TFDP2: variants seen among roughly 807,000 people sequenced by gnomAD.
TFDP2 encodes transcription factor Dp-2 (E2F dimerization partner 2).
TFDP2 carries 17 observed loss-of-function variants against 59.3 expected under a neutral mutation model. The observed-to-expected ratio is 0.29, with a 90% CI of 0.20 to 0.43. TFDP2 has a LOEUF of 0.43. TFDP2 is among the 20% of genes least tolerant of loss of function. The probability of loss-of-function intolerance (pLI) is 1.00; values close to 1 mark genes in which losing one functional copy is unlikely to be tolerated. For missense variants in TFDP2, 391 were observed against 528.8 expected, an observed-to-expected ratio of 0.74 and a Z score of 2.56; for synonymous variants, 180 against 194.7, an observed-to-expected ratio of 0.92 and a Z score of 0.63.
intron 3 of TFDP2, among the ~76,000 whole-genome samples, chr3:142,087,718 T>C (rs1447913207): frequency 6.6e-6 from 1 of 152,090 alleles, no homozygotes; most frequent in African/African-American, 2.4e-5. Context: ...CCCAGGCTGG[T>C]CTTGAACTGC....
chr3:141,990,281 G>A (rs930066696), intron 6 of TFDP2, among the ~76,000 whole-genome samples: 10 of 151,678 alleles, frequency 6.6e-5, no homozygotes, highest in African/African-American at 2.2e-4. Context: ...ACGGAGTCCC[G>A]CTGTGTTGAC....
chr3:142,058,308 C>T (rs879322753), intron 3 of TFDP2, among the ~76,000 whole-genome samples: 1 of 150,962 alleles, frequency 6.6e-6, no homozygotes, highest in Non-Finnish European at 1.5e-5. Flanking sequence ...CTTCTGACAC[C>T]AAATGTTTGG....
chr3:142,007,479 T>C (rs1277600243), intron 3 of TFDP2, among the ~76,000 whole-genome samples: 2 of 152,192 alleles, frequency 1.3e-5, no homozygotes, highest in African/African-American at 4.8e-5. Context: ...CCCCAACCGT[T>C]TTAGCACCAG....
chr3:142,002,317 GTTTTTT>G (rs750047190), intron 4 of TFDP2, among the ~76,000 whole-genome samples: 9 of 106,858 alleles, frequency 8.4e-5, no homozygotes, highest in African/African-American at 2.6e-4. Context: ...TATTTTTAGT[GTTTTTT>G]TTTTTTTTTT....
chr3:142,143,615 G>C (rs992567425), intron 1 of TFDP2, among the ~76,000 whole-genome samples: 4 of 152,168 alleles, frequency 2.6e-5, no homozygotes, highest in Non-Finnish European at 5.9e-5. Context: ...TTTCTCAATA[G>C]AAGACATACA....
intron 3 of TFDP2, among the ~76,000 whole-genome samples, chr3:142,082,870 C>T (rs927209650): frequency 6.6e-6 from 1 of 152,118 alleles, no homozygotes; most frequent in Admixed American, 6.5e-5. Flanking sequence ...GAACGTACCT[C>T]AACATAATAA....
At chr3:142,036,038 A>G (rs1946682099) in intron 3 of TFDP2, among the ~76,000 whole-genome samples, 1 of 152,208 alleles carries the variant, frequency 6.6e-6, no homozygotes, top group African/African-American at 2.4e-5. Context: ...GTAGATTTTA[A>G]TCAAAAAGCT....
At chr3:142,146,528 C>A (rs559633256) in intron 1 of TFDP2, among the ~76,000 whole-genome samples, 33 of 152,244 alleles carry the variant, frequency 2.2e-4, no homozygotes, top group African/African-American at 7.2e-4. Context: ...GAGCTAGGAT[C>A]TAAACACAGG....
chr3:142,037,432 G>A (rs1232187274), intron 3 of TFDP2, among the ~76,000 whole-genome samples: 4 of 152,176 alleles, frequency 2.6e-5, no homozygotes, highest in Non-Finnish European at 5.9e-5. Context: ...TTATAGATAA[G>A]GTGGTCCAAG....
At chr3:142,009,491 C>G (rs1351339325) in intron 3 of TFDP2, among the ~76,000 whole-genome samples, 4 of 152,092 alleles carry the variant, frequency 2.6e-5, no homozygotes, top group Non-Finnish European at 4.4e-5. Flanking sequence ...CAGGGCAGAT[C>G]ACCTGAGGTC....
At chr3:142,027,218 T>G (rs1946158382) in intron 3 of TFDP2, among the ~76,000 whole-genome samples, 1 of 152,170 alleles carries the variant, frequency 6.6e-6, no homozygotes, top group Admixed American at 6.5e-5. Context: ...ACAGGCAATA[T>G]TTAAAGTTTT....
intron 3 of TFDP2, among the ~76,000 whole-genome samples, chr3:142,015,619 T>C (rs1026350309): frequency 6.6e-6 from 1 of 152,304 alleles, no homozygotes; most frequent in Admixed American, 6.5e-5. Context: ...GGCCAACATC[T>C]TGGCTTCAAT....
chr3:141,972,394 A>T (rs1939902536), intron 8 of TFDP2, among the ~76,000 whole-genome samples: 1 of 152,172 alleles, frequency 6.6e-6, no homozygotes, highest in Non-Finnish European at 1.5e-5. Context: ...GTGATCCTTT[A>T]AAAAACATCC....
chr3:141,959,776 G>C lies in TFDP2; in HGVS notation c.949C>G (p.Arg317Gly). 1.2e-6 allele frequency: 2 copies of C among 1,614,096 alleles called. No individual in the cohort carries two copies. Among genetic ancestry groups the C allele is most frequent in the South Asian group, 1.1e-5 (1 of 91,074 alleles). ...EIHDDIEVLK[R>G]MGMSFGLESG... ...TCCAGGCCAAACGACATTCCCATCCGCTTTAGTACTTCTATGTCATCATGG... is the reference window on the plus strand; with the variant it reads ...TCCAGGCCAAACGACATTCCCATCCCCTTTAGTACTTCTATGTCATCATGG... The change falls in exon 11 of 13, where the codon CGG becomes GGG. Residue 317 changes from arginine (R) to glycine (G), a missense_variant. Coordinates refer to ENST00000489671, the MANE Select transcript of TFDP2 (RefSeq NM_001178139.2).
intron 3 of TFDP2, among the ~76,000 whole-genome samples, chr3:142,086,166 C>T (rs2108597622): frequency 6.6e-6 from 1 of 151,728 alleles, no homozygotes; most frequent in South Asian, 2.1e-4. Context: ...CTGATGGTAT[C>T]ACTTTATTAA....
At chr3:141,957,620 A>C (rs1008282520) in intron 11 of TFDP2, among the ~76,000 whole-genome samples, 1 of 152,224 alleles carries the variant, frequency 6.6e-6, no homozygotes, top group African/African-American at 2.4e-5. Flanking sequence ...ATACAATGGA[A>C]TAGTATTTGG....
intron 3 of TFDP2, among the ~76,000 whole-genome samples, chr3:142,040,144 T>G (rs1328016890): frequency 6.6e-6 from 1 of 151,730 alleles, no homozygotes; most frequent in Non-Finnish European, 1.5e-5. Context: ...CACACAGGCA[T>G]GCACATTACC....
intron 3 of TFDP2, among the ~76,000 whole-genome samples, chr3:142,091,626 C>T (rs2060999276): frequency 1.3e-5 from 2 of 152,040 alleles, no homozygotes; most frequent in South Asian, 4.2e-4. Flanking sequence ...ATGTCTCTAG[C>T]CTGCTCTCTA....
At chr3:142,089,594 A>T (rs2060932992) in intron 3 of TFDP2, among the ~76,000 whole-genome samples, 1 of 152,172 alleles carries the variant, frequency 6.6e-6, no homozygotes, top group Non-Finnish European at 1.5e-5. Flanking sequence ...TTAGCTGATT[A>T]AAGATTCATT....
Sources: allele counts gnomAD v4.1 joint callset (sites outside exome capture counted in the v4.1 genomes callset), GRCh38; gene constraint gnomAD v4.1.1; transcripts MANE v1.5; gene names NCBI Gene and HGNC (gene_info 2026-07-23, HGNC 2026-07-21).